The following NLRC3 variants were observed in gnomAD, a reference collection of about 807,000 sequenced individuals.
NLRC3 encodes the protein NLR family CARD domain-containing protein 3.
NLRC3 carries 87 observed loss-of-function variants against 91.6 expected under a neutral mutation model. That is an observed-to-expected ratio of 0.95 (90% confidence interval 0.80 to 1.14). The LOEUF is 1.14. NLRC3 is among the 50% of genes most tolerant of loss of function. The pLI, the probability that NLRC3 is intolerant of heterozygous loss-of-function variation, is 0.00. For synonymous variants in NLRC3, 694 were observed against 625.3 expected (o/e 1.11, Z -1.64); for missense variants, 1,577 against 1,418.6 (o/e 1.11, Z -1.79).
rs1380917988 is a variant in NLRC3 at position 3,557,141 on chromosome 16, G to A, written c.2100-147C>T. On this transcript the variant is annotated intron_variant, in intron 7 of 19. Coordinates refer to ENST00000359128, the MANE Select transcript of NLRC3 (RefSeq NM_178844.4). ...TCATGTTTGGTGGAACCAGGGCAGA[G>A]ATCCTTATATAAACAAGGAAGGAGT... 4.8e-6 allele frequency: 3 copies of A among 629,432 alleles called. No individual in the cohort carries two copies. The East Asian group carries it at 8.3e-5, about 17-fold the overall frequency. The allele number at this position is 629,432 out of a possible 1,614,324, so 39.0% of individuals were successfully genotyped here.
intron 8 of NLRC3, 81 bp from the exon 9 acceptor site, chr16:3,554,406 A>T: frequency 9.8e-7 from 1 of 1,017,148 alleles, no homozygotes; most frequent in Non-Finnish European, 1.5e-6. Flanking sequence ...CAGTGGGGGC[A>T]CCTCTGTGGA....
rs1223171821 is a variant in NLRC3 at position 3,540,569 on chromosome 16, GA to G, written c.*1255del. ...TGTAATCCCAGCACTTTGGGAGGCT[GA>G]GGTGGGTGGATCACTTGAGGTCAGG... On this transcript the variant is annotated 3_prime_UTR_variant, in exon 20 of 20. Transcript: ENST00000359128. 3.3e-5 allele frequency: 5 copies of G among 152,162 alleles called. No homozygotes were observed. The highest frequency in any genetic ancestry group is 1.2e-4 in the African/African-American group (5 of 41,408). 9.4% of individuals were successfully genotyped at this position (152,162 alleles called of 1,614,324 possible). A position where few individuals can be genotyped will look rare whatever the true frequency, so the allele number is the denominator to read the frequency against.
At position 3,542,200 on chromosome 16, in the gene NLRC3, T is replaced by C. The variant is rs1282473801; in HGVS notation, c.3098A>G (p.Gln1033Arg). 3 of 1,583,676 alleles carry C rather than the reference T, an allele frequency of 1.9e-6. No individual in the cohort carries two copies. Among genetic ancestry groups the C allele is most frequent in the Admixed American group, 1.8e-5 (1 of 56,332 alleles). Residue 1033 changes from glutamine (Q) to arginine (R), a missense_variant, in exon 19 of 20, where the codon CAG becomes CGG. Gln to Arg is a conservative substitution (Grantham distance 43). Transcript: ENST00000359128. Reference sequence around the variant, plus strand: ...GGGCAGGTGCACTCACTTGATATGCTGGAGCCTGTGGTTTCCAGACAGTGC... The same window carrying C: ...GGGCAGGTGCACTCACTTGATATGCCGGAGCCTGTGGTTTCCAGACAGTGC... ...ATALSGNHRL[Q>R]HINLQGNHIG... is the part of the protein sequence containing the mutation.
intron 1 of NLRC3, among the ~76,000 whole-genome samples, chr16:3,572,198 G>T (rs915501323): frequency 6.6e-6 from 1 of 151,978 alleles, no homozygotes; most frequent in African/African-American, 2.4e-5. Flanking sequence ...TGTCACTAAG[G>T]ATCAAGAAAA....
intron 1 of NLRC3, among the ~76,000 whole-genome samples, chr16:3,567,840 A>T (rs1391553413): frequency 1.4e-5 from 2 of 142,318 alleles, no homozygotes; most frequent in African/African-American, 5.2e-5. Flanking sequence ...CTGGCCTTGG[A>T]TTAGCAGTGG....
At chr16:3,560,532 A>AC (rs150374362) in intron 6 of NLRC3, among the ~76,000 whole-genome samples, 1 of 151,950 alleles carries the variant, frequency 6.6e-6, no homozygotes, top group African/African-American at 2.4e-5. Flanking sequence ...TCAACCACAA[A>AC]CCCCGAGTGT....
chr16:3,575,114 G>T (rs1050213969), intron 1 of NLRC3, among the ~76,000 whole-genome samples: 1 of 152,196 alleles, frequency 6.6e-6, no homozygotes, highest in Non-Finnish European at 1.5e-5. Flanking sequence ...TCCTGTATCT[G>T]ATCTGGCATC....
rs1280977347 is a variant in NLRC3, at chr16:3,569,401, T to A, written c.-168-2077A>T. Among the ~76,000 whole-genome samples the A allele has an allele frequency of 4.8e-3, 472 of 99,116 alleles. 1 individual carries two copies. Among genetic ancestry groups the A allele is most frequent in the South Asian group, 8.0e-3 (20 of 2,498 alleles). The allele number at this position is 99,116 out of a possible 152,430, so 65.0% of individuals were successfully genotyped here. A position where few individuals can be genotyped will look rare whatever the true frequency, so the allele number is the denominator to read the frequency against. ...ATATATATATATATATATATTATTT[T>A]TTTTTTTTTTTTTTTTTTTTGAGGT... On this transcript the variant is annotated intron_variant, in intron 1 of 19. Transcript: ENST00000359128.
intron 17 of NLRC3, 190 bp from the exon 18 acceptor site, chr16:3,542,965 G>A: frequency 1.7e-6 from 1 of 577,608 alleles, no homozygotes; most frequent in Non-Finnish European, 3.1e-6. Flanking sequence ...GGCACACAGG[G>A]GCATGGCTGG....
intron 1 of NLRC3, among the ~76,000 whole-genome samples, chr16:3,576,874 T>C (rs1217806909): frequency 6.6e-6 from 1 of 152,116 alleles, no homozygotes; most frequent in Non-Finnish European, 1.5e-5. Context: ...TTCACCATGT[T>C]GGCCAGGCTA....
chr16:3,563,517 C>T lies in NLRC3; in HGVS notation c.1420G>A (p.Ala474Thr), dbSNP rs368289856. ...AAYYYGASRR[A>T]IFDLFTESGV... Reference sequence around the variant, plus strand: ...CTCTCAGTGAAGAGGTCGAAGATGGCCCTCCTGGATGCGCCATAGTAATAC... The same window carrying T: ...CTCTCAGTGAAGAGGTCGAAGATGGTCCTCCTGGATGCGCCATAGTAATAC... The change falls in exon 5 of 20, where the codon GCC (alanine) becomes ACC (threonine). Residue 474 changes from alanine to threonine, a missense_variant. Ala to Thr is a moderately conservative substitution (Grantham distance 58). Transcript: ENST00000359128. 1.2e-6 allele frequency: 2 copies of T among 1,603,970 alleles called. No individual in the cohort carries two copies. Among genetic ancestry groups the T allele is most frequent in the South Asian group, 1.1e-5 (1 of 89,460 alleles).
rs2039747097 is a variant in NLRC3 at position 3,563,971 on chromosome 16, C to T, written c.966G>A (p.Leu322=). The change falls in exon 5 of 20, where the codon CTG becomes CTA. Residue 322 remains leucine (L), a synonymous_variant. Coordinates refer to ENST00000359128, the MANE Select transcript of NLRC3 (RefSeq NM_178844.4). ...AGGCTGGGACGGTGCACATCAGGTA[C>T]AGGGCCCTGTCAGCCTGCACTTGGC... is the stretch of plus-strand genomic sequence containing the variant. The part of the protein sequence containing the change: ...MLSQVQADRA[L]YLMCTVPAFC... 5 of 1,603,700 alleles carry T rather than the reference C, an allele frequency of 3.1e-6. No individual in the cohort carries two copies. In the East Asian group the frequency reaches 8.9e-5, roughly 29 times the overall value.
rs78193740 is a variant in NLRC3 at position 3,561,669 on chromosome 16, A to G, written c.2015+33T>C. On this transcript the variant is annotated intron_variant, in intron 6 of 19. Transcript: ENST00000359128. The stretch of plus-strand genomic sequence containing the variant: ...AGGGTTCCATACCCCACAAGACCAT[A>G]GGCACCCTGGAGGTCCCCTGGGTCT... 10,548 of 1,462,628 alleles carry G rather than the reference A, an allele frequency of 7.2e-3. 403 individuals carry two copies. In the African/African-American group the frequency reaches 0.1, roughly 14 times the overall value. 90.6% of individuals were successfully genotyped at this position (1,462,628 alleles called of 1,614,324 possible).
intron 8 of NLRC3, chr16:3,555,964 A>AAATC (rs1448393941): frequency 2.7e-5 from 4 of 148,048 alleles, no homozygotes; most frequent in Non-Finnish European, 5.9e-5. Flanking sequence ...ATAAATAAAT[A>AAATC]AATAAATGAA....
At chr16:3,567,991 A>C (rs570451706) in intron 1 of NLRC3, among the ~76,000 whole-genome samples, 1 of 151,412 alleles carries the variant, frequency 6.6e-6, no homozygotes, top group East Asian at 2.0e-4. Flanking sequence ...TCAGCCTCCC[A>C]AGTATCTGGG....
intron 1 of NLRC3, among the ~76,000 whole-genome samples, chr16:3,573,238 G>A (rs1326958843): frequency 6.6e-6 from 1 of 150,750 alleles, no homozygotes; most frequent in Non-Finnish European, 1.5e-5. Context: ...AGCAACATGG[G>A]CAAAACCCTG....
intron 1 of NLRC3, among the ~76,000 whole-genome samples, chr16:3,570,847 C>T (rs555325216): frequency 6.6e-6 from 1 of 152,114 alleles, no homozygotes; most frequent in Non-Finnish European, 1.5e-5. Context: ...TGGAGGGGAG[C>T]CACTGGGGGG....
Position 3,540,746 on chromosome 16 carries a change from T to A in NLRC3, c.*1079A>T, listed in dbSNP as rs898120722. 1 of 151,906 alleles carries A rather than the reference T, an allele frequency of 6.6e-6. No individual in the cohort carries two copies. Among genetic ancestry groups the A allele is most frequent in the Non-Finnish European group, 1.5e-5 (1 of 68,018 alleles). The allele number at this position is 151,906 out of a possible 1,614,324, so 9.4% of individuals were successfully genotyped here. A position where few individuals can be genotyped will look rare whatever the true frequency, so the allele number is the denominator to read the frequency against. On this transcript the variant is annotated 3_prime_UTR_variant, in exon 20 of 20. Transcript: ENST00000359128. ...GGAACCCATGAGGTAGAGCCTACAGTGAGCTGAGATCATGCCACTGCACTC... is the reference window on the plus strand; with the variant it reads ...GGAACCCATGAGGTAGAGCCTACAGAGAGCTGAGATCATGCCACTGCACTC...
rs765911039 is a variant in NLRC3, at chr16:3,561,919, C to CCCTTT, written c.1929-132_1929-131insAAAGG. The CCCTTT allele has an allele frequency of 3.3e-4, 220 of 671,488 alleles. 3 individuals carry two copies. The South Asian group carries it at 3.5e-3, about 11-fold the overall frequency. 41.6% of individuals were successfully genotyped at this position (671,488 alleles called of 1,614,324 possible). A position where few individuals can be genotyped will look rare whatever the true frequency, so the allele number is the denominator to read the frequency against. On this transcript the variant is annotated intron_variant, in intron 5 of 19. Transcript: ENST00000359128. ...CGCAGCTCTGAGATCTGCGCTCAGC[C>CCCTTT]CCAGTGCTCAGACCTTTCCCGTGAG...
Sources: allele counts gnomAD v4.1 joint callset (sites outside exome capture counted in the v4.1 genomes callset), GRCh38; gene constraint gnomAD v4.1.1; transcripts MANE v1.5; gene names NCBI Gene and HGNC (gene_info 2026-07-23, HGNC 2026-07-21).